The following CATSPERB variants were observed in gnomAD, a reference collection of about 807,000 sequenced individuals.
CATSPERB encodes the protein catsper channel auxiliary subunit beta, also known as cation channel sperm-associated auxiliary subunit beta.
CATSPERB carries 93 observed loss-of-function variants against 128.3 expected under a neutral mutation model. The observed-to-expected ratio is 0.72, with a 90% CI of 0.61 to 0.86. The LOEUF (loss-of-function observed/expected upper bound fraction) is 0.86. Ranked by LOEUF, CATSPERB falls within the 40% of genes least tolerant of loss-of-function variation. CATSPERB has a pLI of 0.00. For missense variants in CATSPERB, 1,153 were observed against 1,329.5 expected (o/e 0.87, Z 2.06); for synonymous variants, 381 against 448.8 (o/e 0.85, Z 1.91).
rs188200811 is a variant in CATSPERB at position 91,619,455 on chromosome 14, G to A, written c.2261-1719C>T. ...AAGGTTTTCAGGACATTTAATCCAC[G>A]ATATTGAGGGAAATAGATGTTCTCA... On this transcript the variant is annotated intron_variant, in intron 19 of 26. Transcript: ENST00000256343. Among the ~76,000 whole-genome samples the A allele has an allele frequency of 8.0e-3, 1,215 of 151,974 alleles. 21 individuals carry two copies. The highest frequency in any genetic ancestry group is 7.1e-3 in the Non-Finnish European group (481 of 67,954).
chr14:91,652,401 G>A (rs1234936593), intron 15 of CATSPERB, among the ~76,000 whole-genome samples: 2 of 151,710 alleles, frequency 1.3e-5, no homozygotes, highest in Non-Finnish European at 2.9e-5. Flanking sequence ...GCTCATGCCT[G>A]TAATCCCAAC....
chr14:91,717,982 AATCCTT>A (rs1895970713), intron 5 of CATSPERB, among the ~76,000 whole-genome samples: 1 of 152,288 alleles, frequency 6.6e-6, no homozygotes, highest in South Asian at 2.1e-4. Flanking sequence ...CTTTTTCTAA[AATCCTT>A]AAGTTCTCGT....
intron 10 of CATSPERB, among the ~76,000 whole-genome samples, chr14:91,688,074 TCTC>T (rs1308437179): frequency 6.6e-6 from 1 of 152,178 alleles, no homozygotes; most frequent in Non-Finnish European, 1.5e-5. Flanking sequence ...TCACTAGTCC[TCTC>T]CTCATTTTCT....
intron 10 of CATSPERB, among the ~76,000 whole-genome samples, chr14:91,685,669 AT>A: frequency 6.6e-6 from 1 of 152,302 alleles, no homozygotes; most frequent in South Asian, 2.1e-4. Flanking sequence ...TCAGGGAGGG[AT>A]TTCTGAAGAA....
chr14:91,630,837 G>A (rs1894262235), intron 17 of CATSPERB, among the ~76,000 whole-genome samples: 1 of 152,136 alleles, frequency 6.6e-6, no homozygotes, highest in African/African-American at 2.4e-5. Flanking sequence ...ACACCAAGAA[G>A]AAAATTTACA....
intron 10 of CATSPERB, among the ~76,000 whole-genome samples, chr14:91,685,123 C>G (rs1178372739): frequency 1.3e-5 from 2 of 152,016 alleles, no homozygotes; most frequent in African/African-American, 4.8e-5. Context: ...AAAGGAGTCT[C>G]ACTATATTGC....
chr14:91,589,978 C>T (rs909535813), intron 23 of CATSPERB, among the ~76,000 whole-genome samples: 2 of 152,172 alleles, frequency 1.3e-5, no homozygotes, highest in Non-Finnish European at 2.9e-5. Context: ...ATAGATTGCT[C>T]ACCCTCCTTT....
chr14:91,669,596 C>A (rs928510832), intron 14 of CATSPERB, among the ~76,000 whole-genome samples: 4 of 152,192 alleles, frequency 2.6e-5, no homozygotes, highest in Admixed American at 1.3e-4. Context: ...TCTGATGTAC[C>A]CATGGCTCAT....
intron 3 of CATSPERB, 150 bp downstream of exon 3, chr14:91,724,930 G>T: frequency 2.6e-6 from 1 of 383,588 alleles, no homozygotes; most frequent in East Asian, 3.8e-5. Context: ...CACTAGCAAA[G>T]ATAGAAAAAA....
At chr14:91,583,262 C>G (rs557031309) in intron 26 of CATSPERB, among the ~76,000 whole-genome samples, 1 of 152,196 alleles carries the variant, frequency 6.6e-6, no homozygotes, top group South Asian at 2.1e-4. Context: ...ACCTAAAATA[C>G]AAAAAATTTA....
Position 91,693,471 on chromosome 14 carries a change from T to A in CATSPERB, c.625A>T (p.Ile209Leu). 6.2e-7 allele frequency: 1 copy of A among 1,612,992 alleles called. No individual in the cohort carries two copies. The highest frequency in any genetic ancestry group is 8.5e-7 in the Non-Finnish European group (1 of 1,179,304). Residue 209 changes from isoleucine (I) to leucine (L), a missense_variant, in exon 8 of 27, where the codon ATA (isoleucine) becomes TTA (leucine). By Grantham distance (5) the Ile-to-Leu change is conservative (BLOSUM62 2). Transcript: ENST00000256343. ...IVDTIVDGVY[I>L]GITFGGFWHD... The stretch of plus-strand genomic sequence containing the variant: ...CAGAATCCACCAAAGGTTATGCCTA[T>A]GTAAACACCTACCATGAAACAAAAG...
intron 6 of CATSPERB, among the ~76,000 whole-genome samples, chr14:91,705,508 G>C (rs528563622): frequency 6.6e-6 from 1 of 152,358 alleles, no homozygotes; most frequent in African/African-American, 2.4e-5. Flanking sequence ...AGCAGCACTA[G>C]TGGTGAATAA....
At chr14:91,709,549 G>C (rs55770508) in intron 5 of CATSPERB, 1 of 71,332 alleles carries the variant, frequency 1.4e-5, no homozygotes, top group Admixed American at 1.5e-4. Context: ...AAAATTAGCC[G>C]GGTGTGGTGG....
intron 15 of CATSPERB, among the ~76,000 whole-genome samples, chr14:91,655,257 A>C (rs1894767456): frequency 6.6e-6 from 1 of 152,076 alleles, no homozygotes; most frequent in African/African-American, 2.4e-5. Context: ...TAAATACCAA[A>C]CTCTTTAATC....
At chr14:91,680,821 C>T (rs2139837691) in intron 11 of CATSPERB, among the ~76,000 whole-genome samples, 3 of 152,232 alleles carry the variant, frequency 2.0e-5, no homozygotes, top group African/African-American at 7.2e-5. Context: ...CAAACCCTCC[C>T]CCTTGGCCAA....
intron 22 of CATSPERB, among the ~76,000 whole-genome samples, chr14:91,594,988 A>T (rs1893478613): frequency 1.3e-5 from 2 of 152,224 alleles, no homozygotes; most frequent in South Asian, 2.1e-4. Context: ...AATTGAAAAA[A>T]TTATTTTGAA....
rs1893803899 is a variant in CATSPERB, at chr14:91,610,472, T to C, written c.2598+8A>G. 1 of 1,608,868 alleles carries C rather than the reference T, an allele frequency of 6.2e-7. No individual in the cohort carries two copies. Among genetic ancestry groups the C allele is most frequent in the African/African-American group, 1.3e-5 (1 of 74,592 alleles). On this transcript the variant is annotated splice_region_variant and intron_variant, in intron 21 of 26. Coordinates refer to ENST00000256343, the MANE Select transcript of CATSPERB (RefSeq NM_024764.4). ...CTTAAACCAATATACTTAGATTTTT[T>C]TTTTTACCGGCAAAGTTTTGATGAG... is the stretch of plus-strand genomic sequence containing the variant.
chr14:91,668,872 C>T (rs1422713373), intron 14 of CATSPERB, among the ~76,000 whole-genome samples: 1 of 152,190 alleles, frequency 6.6e-6, no homozygotes, highest in African/African-American at 2.4e-5. Flanking sequence ...ACTCTGGACA[C>T]ACCATCTTTA....
chr14:91,646,028 C>A (rs112956132), intron 15 of CATSPERB: 3 of 152,648 alleles, frequency 2.0e-5, no homozygotes, highest in East Asian at 3.9e-4. Flanking sequence ...TGACCCCTTG[C>A]GCTTCCCAGG....
Sources: allele counts gnomAD v4.1 joint callset (sites outside exome capture counted in the v4.1 genomes callset), GRCh38; gene constraint gnomAD v4.1.1; transcripts MANE v1.5; gene names NCBI Gene and HGNC (gene_info 2026-07-23, HGNC 2026-07-21).